Variants in MXRA7 observed in about 807,000 individuals in gnomAD.
MXRA7 encodes the protein matrix remodeling associated 7, also known as matrix-remodeling-associated protein 7.
A neutral mutation model predicts 17.4 loss-of-function variants in MXRA7; 18 were observed. The observed-to-expected ratio is 1.03, with a 90% CI of 0.71 to 1.53. The LOEUF (loss-of-function observed/expected upper bound fraction) is 1.53, where lower values mean the gene tolerates loss of function less well. MXRA7 is among the 40% of genes most tolerant of loss of function. The pLI, the probability that MXRA7 is intolerant of heterozygous loss-of-function variation, is 0.00. For synonymous variants in MXRA7, 70 were observed against 101.7 expected (o/e 0.69, Z 1.87); for missense variants, 141 against 209.3 (o/e 0.67, Z 2.01).
At chr17:76,683,778 G>A (rs2076345496) in intron 3 of MXRA7, 6 of 1,176,616 alleles carry the variant, frequency 5.1e-6, no homozygotes, top group South Asian at 1.2e-5. Flanking sequence ...GGCCGCGTCA[G>A]TTGTTTGGGG....
At chr17:76,687,704 G>A (rs779237085) in intron 2 of MXRA7, among the ~76,000 whole-genome samples, 1 of 152,206 alleles carries the variant, frequency 6.6e-6, no homozygotes, top group African/African-American at 2.4e-5. Flanking sequence ...TGCCCTCCTG[G>A]GGCCTTCGTT....
chr17:76,677,628 T>A, downstream of MXRA7: 2 of 1,613,462 alleles, frequency 1.2e-6, no homozygotes, highest in Non-Finnish European at 1.7e-6. Context: ...CACGTCGCCG[T>A]CGGACATCTC....
intron 1 of MXRA7, among the ~76,000 whole-genome samples, chr17:76,694,800 G>A (rs2076515493): frequency 6.6e-6 from 1 of 152,108 alleles, no homozygotes; most frequent in East Asian, 1.9e-4. Flanking sequence ...TGCCCAGGCT[G>A]GGCTTGAACT....
intron 2 of MXRA7, among the ~76,000 whole-genome samples, chr17:76,685,913 T>C (rs2076389498): frequency 6.6e-6 from 1 of 152,234 alleles, no homozygotes; most frequent in Non-Finnish European, 1.5e-5. Context: ...TCTTGGTTCC[T>C]GAATCCAGCA....
downstream of MXRA7, among the ~76,000 whole-genome samples, chr17:76,679,194 G>A (rs543731120): frequency 3.5e-4 from 53 of 152,004 alleles, no homozygotes; most frequent in South Asian, 8.8e-3. Flanking sequence ...AGGCTGAGAC[G>A]GGAGGATCAC....
intron 1 of MXRA7, chr17:76,709,477 G>A (rs2076696081): frequency 6.6e-6 from 1 of 152,292 alleles, no homozygotes; most frequent in African/African-American, 2.4e-5. Context: ...CGCCTGCTCA[G>A]AGGGGGTCTG....
At chr17:76,674,833 A>T (rs1256281035), downstream of MXRA7, 1 of 152,248 alleles carries the variant, frequency 6.6e-6, no homozygotes, top group Non-Finnish European at 1.5e-5. Flanking sequence ...GGGCGGGGAC[A>T]TCTGGACCAG....
chr17:76,678,060 G>A (rs898499039), downstream of MXRA7, among the ~76,000 whole-genome samples: 2 of 152,216 alleles, frequency 1.3e-5, no homozygotes, highest in Non-Finnish European at 2.9e-5. Flanking sequence ...TAGGCTCCAT[G>A]AAGCAGCTTG....
downstream of MXRA7, among the ~76,000 whole-genome samples, chr17:76,678,279 C>G (rs893484042): frequency 6.6e-5 from 10 of 152,300 alleles, no homozygotes; most frequent in Middle Eastern, 3.4e-3. Flanking sequence ...GCACAAGATA[C>G]CCTATGGCAG....
rs985760824 is a variant in MXRA7, at chr17:76,681,285, G to A, written c.501-406C>T. 6.6e-6 allele frequency among the ~76,000 whole-genome samples: 1 copy of A among 152,086 alleles called. No homozygotes were observed. The highest frequency in any genetic ancestry group is 2.4e-5 in the African/African-American group (1 of 41,410). Reference sequence around the variant, plus strand: ...CTGGCTGAGTTTTGTCCCCTCGGGGGATACTGGCACCCTAGGATGCACGCT... The same window carrying A: ...CTGGCTGAGTTTTGTCCCCTCGGGGAATACTGGCACCCTAGGATGCACGCT... On this transcript the variant is annotated intron_variant, in intron 3 of 3. Coordinates refer to ENST00000449428, the MANE Select transcript of MXRA7 (RefSeq NM_198530.4). This position sits in a 1 kb window ranked among gnomAD's most constrained non-coding sequence, Gnocchi z 4.7.
intron 1 of MXRA7, among the ~76,000 whole-genome samples, chr17:76,697,021 T>TGTTCAGGC (rs1352144312): frequency 2.0e-5 from 3 of 151,956 alleles, no homozygotes; most frequent in East Asian, 3.9e-4. Context: ...GTCCCAGGAG[T>TGTTCAGGC]GTTCAGGCTA....
At chr17:76,705,469 T>C (rs1465581988) in intron 1 of MXRA7, among the ~76,000 whole-genome samples, 1 of 151,970 alleles carries the variant, frequency 6.6e-6, no homozygotes, top group Non-Finnish European at 1.5e-5. Context: ...TAATGAACAT[T>C]TGGATTATTT....
intron 1 of MXRA7, 65 bp downstream of exon 1, chr17:76,710,540 G>A: frequency 8.3e-7 from 1 of 1,204,756 alleles, no homozygotes; most frequent in African/African-American, 1.6e-5. Context: ...TGGCTCGGCG[G>A]GGAACGGCAG....
At chr17:76,702,268 AG>A (rs2076599212) in intron 1 of MXRA7, among the ~76,000 whole-genome samples, 1 of 152,210 alleles carries the variant, frequency 6.6e-6, no homozygotes, top group Admixed American at 6.5e-5. Flanking sequence ...CAGCCTCAGG[AG>A]GCAGAGGCAG....
At chr17:76,688,496 C>T in intron 1 of MXRA7, 8 of 1,318,568 alleles carry the variant, frequency 6.1e-6, no homozygotes, top group East Asian at 3.0e-5. Flanking sequence ...CCAGGACTCC[C>T]ACTGCGACGC....
chr17:76,689,889 T>C (rs1272501627), intron 1 of MXRA7: 1 of 151,952 alleles, frequency 6.6e-6, no homozygotes, highest in Non-Finnish European at 1.5e-5. Flanking sequence ...CAGGTGCCTT[T>C]AATCCCAGCT....
chr17:76,685,857 A>C (rs1314419264), intron 2 of MXRA7, among the ~76,000 whole-genome samples: 2 of 152,208 alleles, frequency 1.3e-5, no homozygotes, highest in Non-Finnish European at 2.9e-5. Flanking sequence ...CGGTGAGGAG[A>C]GAAAAGCTGA....
chr17:76,710,011 A>G (rs2076702308), intron 1 of MXRA7: 1 of 152,622 alleles, frequency 6.6e-6, no homozygotes, highest in South Asian at 2.1e-4. Context: ...GTGTAGCTTG[A>G]AAACGACAAT....
chr17:76,682,409 G>A (rs1021778533), intron 3 of MXRA7, among the ~76,000 whole-genome samples: 2 of 152,144 alleles, frequency 1.3e-5, no homozygotes, highest in African/African-American at 4.8e-5. Context: ...CTGGCCTGTG[G>A]TTTTAGTGGT....
Sources: allele counts gnomAD v4.1 joint callset (sites outside exome capture counted in the v4.1 genomes callset), GRCh38; gene constraint gnomAD v4.1.1; non-coding constraint Gnocchi (gnomAD v3.1); transcripts MANE v1.5; gene names NCBI Gene and HGNC (gene_info 2026-07-23, HGNC 2026-07-21).